Variants in FRMD3 observed in about 807,000 individuals in gnomAD.
FRMD3 encodes FERM domain containing 3.
In FRMD3, 33 loss-of-function variants were observed where a neutral mutation model predicts 70.2. The observed-to-expected ratio is 0.47, with a 90% confidence interval of 0.36 to 0.63. The LOEUF (loss-of-function observed/expected upper bound fraction) is 0.63. Ranked by LOEUF, FRMD3 falls within the 20% of genes least tolerant of loss-of-function variation. The pLI, the probability that FRMD3 is intolerant of heterozygous loss-of-function variation, is 0.00. For synonymous variants in FRMD3, 279 were observed against 255.9 expected (o/e 1.09, Z -0.86); for missense variants, 632 against 711.4 (o/e 0.89, Z 1.27).
At chr9:83,476,146 G>T (rs1171533906) in intron 1 of FRMD3, among the ~76,000 whole-genome samples, 1 of 152,176 alleles carries the variant, frequency 6.6e-6, no homozygotes, top group South Asian at 2.1e-4. Context: ...CACTTTGGGA[G>T]GCCAAGGCAG....
intron 1 of FRMD3, among the ~76,000 whole-genome samples, chr9:83,439,968 C>A (rs902487654): frequency 2.0e-5 from 3 of 152,170 alleles, no homozygotes; most frequent in Non-Finnish European, 4.4e-5. Flanking sequence ...CAGGGAACTG[C>A]TTTCCAAGAT....
At chr9:83,504,694 C>T (rs556134616) in intron 1 of FRMD3, among the ~76,000 whole-genome samples, 2 of 152,262 alleles carry the variant, frequency 1.3e-5, no homozygotes, top group South Asian at 2.1e-4. Flanking sequence ...GCTTCCCTAC[C>T]TCTTCATCCT....
intron 13 of FRMD3, among the ~76,000 whole-genome samples, chr9:83,267,616 G>A (rs914252374): frequency 1.6e-4 from 25 of 152,072 alleles, no homozygotes; most frequent in Middle Eastern, 3.2e-3. Context: ...GGGAAAAAAA[G>A]CATTTAAAAA....
Position 83,319,500 on chromosome 9 carries a change from C to A in FRMD3, c.597-5753G>T, listed in dbSNP as rs550275302. Among the ~76,000 whole-genome samples, 11 of 152,300 alleles carry A rather than the reference C, an allele frequency of 7.2e-5. No individual in the cohort carries two copies. In the East Asian group the frequency reaches 1.7e-3, roughly 24 times the overall value. The stretch of plus-strand genomic sequence containing the variant: ...GCAGTGGCATGATCTTGGCTCACTG[C>A]AACCTCTGCCTCCCAGGTTCAAGGG... On this transcript the variant is annotated intron_variant, in intron 6 of 13. Coordinates refer to ENST00000304195, the MANE Select transcript of FRMD3 (RefSeq NM_174938.6).
chr9:83,469,872 G>A (rs1225904764), intron 1 of FRMD3, among the ~76,000 whole-genome samples: 3 of 152,204 alleles, frequency 2.0e-5, no homozygotes, highest in Non-Finnish European at 2.9e-5. Context: ...GAGAAAGCCC[G>A]CAGGAGCAGC....
intron 3 of FRMD3, among the ~76,000 whole-genome samples, chr9:83,360,013 A>C (rs567522321): frequency 6.6e-6 from 1 of 152,334 alleles, no homozygotes; most frequent in South Asian, 2.1e-4. Context: ...GTGAGGGGGC[A>C]CTGTCATCTC....
chr9:83,507,257 C>T (rs908954720), intron 1 of FRMD3, among the ~76,000 whole-genome samples: 1 of 150,496 alleles, frequency 6.6e-6, no homozygotes, highest in Non-Finnish European at 1.5e-5. Flanking sequence ...ATCCCAGCTA[C>T]TCAGGAGGCT....
chr9:83,507,043 G>A (rs1447500452), intron 1 of FRMD3, among the ~76,000 whole-genome samples: 1 of 152,220 alleles, frequency 6.6e-6, no homozygotes, highest in East Asian at 1.9e-4. Flanking sequence ...GCAATAACAC[G>A]CATGAAGTTG....
intron 13 of FRMD3, among the ~76,000 whole-genome samples, chr9:83,281,964 C>T (rs1833987400): frequency 6.6e-6 from 1 of 152,214 alleles, no homozygotes; most frequent in Non-Finnish European, 1.5e-5. Flanking sequence ...TATGTTGTCT[C>T]TTTTGATCAT....
At chr9:83,475,834 AG>A (rs1161167472) in intron 1 of FRMD3, among the ~76,000 whole-genome samples, 1 of 152,198 alleles carries the variant, frequency 6.6e-6, no homozygotes, top group African/African-American at 2.4e-5. Context: ...AGTTCTAGAA[AG>A]CTATTGGGAG....
intron 1 of FRMD3, among the ~76,000 whole-genome samples, chr9:83,442,168 G>T (rs1827317028): frequency 6.6e-6 from 1 of 151,452 alleles, no homozygotes; most frequent in Non-Finnish European, 1.5e-5. Context: ...ACTGGTGAGA[G>T]TCTACTAGTG....
chr9:83,525,563 T>C (rs1829668381), intron 1 of FRMD3, among the ~76,000 whole-genome samples: 1 of 152,194 alleles, frequency 6.6e-6, no homozygotes, highest in South Asian at 2.1e-4. Flanking sequence ...AGCATGTTGA[T>C]AGGATTTTAA....
intron 13 of FRMD3, among the ~76,000 whole-genome samples, chr9:83,284,061 A>ATTTTTTTTTTT (rs71365307): frequency 3.9e-5 from 4 of 101,706 alleles, no homozygotes; most frequent in African/African-American, 1.1e-4. Context: ...CTAGGATGTT[A>ATTTTTTTTTTT]TTTTTTTTTT....
chr9:83,531,394 T>C (rs949356896), intron 1 of FRMD3, among the ~76,000 whole-genome samples: 3 of 152,220 alleles, frequency 2.0e-5, no homozygotes, highest in Non-Finnish European at 4.4e-5. Context: ...GCTTTGAAAA[T>C]ATCAAGAGAT....
intron 1 of FRMD3, among the ~76,000 whole-genome samples, chr9:83,523,336 T>C (rs1449203210): frequency 6.6e-6 from 1 of 152,130 alleles, no homozygotes. Flanking sequence ...GATAGATAGA[T>C]AGATGGATGA....
chr9:83,402,499 A>C (rs1825977141), intron 1 of FRMD3, among the ~76,000 whole-genome samples: 1 of 151,930 alleles, frequency 6.6e-6, no homozygotes, highest in South Asian at 2.1e-4. Context: ...TGAATAGTTT[A>C]TGGAGAAATT....
chr9:83,353,124 AC>A (rs967525782), intron 3 of FRMD3, among the ~76,000 whole-genome samples: 8 of 152,242 alleles, frequency 5.3e-5, no homozygotes, highest in Admixed American at 2.0e-4. Context: ...TATCTAGCCA[AC>A]ATCATTGACC....
intron 1 of FRMD3, among the ~76,000 whole-genome samples, chr9:83,512,086 C>T (rs1382636941): frequency 6.6e-6 from 1 of 152,172 alleles, no homozygotes; most frequent in African/African-American, 2.4e-5. Context: ...ATTTTCCACA[C>T]CTGTAAAATA....
At chr9:83,342,075 T>TCTCTCTCTCTCTCTCTCTC (rs1823778104) in intron 5 of FRMD3, among the ~76,000 whole-genome samples, 2 of 60,216 alleles carry the variant, frequency 3.3e-5, no homozygotes, top group African/African-American at 1.5e-4. Flanking sequence ...CTCTCTCTCT[T>TCTCTCTCTCTCTCTCTCTC]TCCCCCAGCC....
Sources: allele counts gnomAD v4.1 joint callset (sites outside exome capture counted in the v4.1 genomes callset), GRCh38; gene constraint gnomAD v4.1.1; transcripts MANE v1.5; gene names NCBI Gene and HGNC (gene_info 2026-07-23, HGNC 2026-07-21).